The following CIMAP2 variants were observed in gnomAD, a reference collection of about 807,000 sequenced individuals.
CIMAP2 encodes the protein ciliary microtubule associated protein 2, also known as ciliary microtubule-associated protein 2.
chr1:54,814,772 C>G, the CIMAP2 span: 1 of 1,201,914 alleles, frequency 8.3e-7, no homozygotes, highest in Non-Finnish European at 1.2e-6. Context: ...CGGGAGATAG[C>G]TGGGTACCTC....
At chr1:54,828,110 A>G in the CIMAP2 span, among the ~76,000 whole-genome samples, 2 of 152,236 alleles carry the variant, frequency 1.3e-5, no homozygotes, top group Non-Finnish European at 2.9e-5. Flanking sequence ...TAAGACAGGA[A>G]AAATAAATAA....
the CIMAP2 span, among the ~76,000 whole-genome samples, chr1:54,836,995 T>C: frequency 6.6e-6 from 1 of 152,062 alleles, no homozygotes; most frequent in African/African-American, 2.4e-5. Flanking sequence ...AAAATGCCAC[T>C]TGGAAGATGT....
At chr1:54,818,528 A>C in the CIMAP2 span, among the ~76,000 whole-genome samples, 1 of 151,378 alleles carries the variant, frequency 6.6e-6, no homozygotes, top group Non-Finnish European at 1.5e-5. Flanking sequence ...TTTGCTGTGG[A>C]TTGCTCTTTT....
At chr1:54,807,106 A>T in the CIMAP2 span, 2 of 1,593,560 alleles carry the variant, frequency 1.3e-6, no homozygotes, top group Non-Finnish European at 8.6e-7. Context: ...AGCTTCCCTG[A>T]CTCCTCCCAC....
chr1:54,840,529 G>T, the CIMAP2 span, among the ~76,000 whole-genome samples: 1 of 152,210 alleles, frequency 6.6e-6, no homozygotes, highest in South Asian at 2.1e-4. Flanking sequence ...TCATTTGGTG[G>T]GTGTGTGTAT....
At chr1:54,820,725 T>C in the CIMAP2 span, among the ~76,000 whole-genome samples, 1 of 152,224 alleles carries the variant, frequency 6.6e-6, no homozygotes, top group African/African-American at 2.4e-5. Flanking sequence ...TGAGCATCTG[T>C]ATGCTTTCTT....
the CIMAP2 span, among the ~76,000 whole-genome samples, chr1:54,834,922 C>A: frequency 6.6e-6 from 1 of 152,188 alleles, no homozygotes; most frequent in Non-Finnish European, 1.5e-5. Flanking sequence ...ACTCTTCCTG[C>A]TTTATGACCT....
chr1:54,812,197 C>G, the CIMAP2 span: 1 of 1,614,148 alleles, frequency 6.2e-7, no homozygotes, highest in Non-Finnish European at 8.5e-7. Flanking sequence ...CAGGTGTGTA[C>G]CCAGGGGTTG....
the CIMAP2 span, among the ~76,000 whole-genome samples, chr1:54,808,788 G>A: frequency 6.6e-6 from 1 of 151,996 alleles, no homozygotes; most frequent in South Asian, 2.1e-4. Context: ...ACTCAGTAAG[G>A]GCACGAGGGA....
chr1:54,838,630 C>T, the CIMAP2 span, among the ~76,000 whole-genome samples: 1 of 152,120 alleles, frequency 6.6e-6, no homozygotes, highest in Non-Finnish European at 1.5e-5. Flanking sequence ...TGCTACATAA[C>T]AAACCACCCA....
At chr1:54,806,991 C>T in the CIMAP2 span, 2 of 1,612,796 alleles carry the variant, frequency 1.2e-6, no homozygotes, top group East Asian at 4.5e-5. Flanking sequence ...ACCGTCCCTC[C>T]CTAGGTTTGA....
chr1:54,838,475 C>G, the CIMAP2 span, among the ~76,000 whole-genome samples: 2 of 95,502 alleles, frequency 2.1e-5, no homozygotes, highest in Non-Finnish European at 4.9e-5. Context: ...GAATGAGACT[C>G]CATCTCAATT....
the CIMAP2 span, among the ~76,000 whole-genome samples, chr1:54,838,802 G>T: frequency 6.6e-6 from 1 of 152,134 alleles, no homozygotes; most frequent in Non-Finnish European, 1.5e-5. Context: ...CTATGGAGGA[G>T]GCTGGGGTTT....
At chr1:54,815,123 C>A in the CIMAP2 span, 23 of 1,562,712 alleles carry the variant, frequency 1.5e-5, no homozygotes, top group South Asian at 1.2e-4. Flanking sequence ...CCCCAGGTAA[C>A]CGATGCTTTG....
the CIMAP2 span, chr1:54,811,765 G>GCCGGGGGGGGGGGCGGCCCCCCCCC: frequency 7.7e-7 from 1 of 1,301,332 alleles, no homozygotes; most frequent in Non-Finnish European, 1.1e-6. Flanking sequence ...GGTTCTGACA[G>GCCGGGGGGGGGGGCGGCCCCCCCCC]CCTCCATGCC....
chr1:54,836,471 G>T, the CIMAP2 span, among the ~76,000 whole-genome samples: 7 of 151,794 alleles, frequency 4.6e-5, no homozygotes, highest in Admixed American at 3.9e-4. Flanking sequence ...CTCTTTGCTT[G>T]GGCTGGAGGG....
At chr1:54,815,240 T>A in the CIMAP2 span, among the ~76,000 whole-genome samples, 1 of 152,218 alleles carries the variant, frequency 6.6e-6, no homozygotes, top group South Asian at 2.1e-4. Context: ...GGTATTAGCA[T>A]CACCTGTAGG....
the CIMAP2 span, among the ~76,000 whole-genome samples, chr1:54,836,547 AGTT>A: frequency 6.6e-6 from 1 of 151,758 alleles, no homozygotes; most frequent in Admixed American, 6.6e-5. Context: ...GGGAGAAAAA[AGTT>A]GATGATTTAA....
chr1:54,817,403 T>G, the CIMAP2 span, among the ~76,000 whole-genome samples: 92,824 of 152,042 alleles, frequency 0.61, 28,952 homozygotes, highest in South Asian at 0.75. Flanking sequence ...AAATGATCTG[T>G]TGAAAACCCT....
Sources: gnomAD v4.1 joint callset for allele counts (sites outside exome capture counted in the v4.1 genomes callset) on GRCh38, gnomAD v4.1.1 for gene constraint, MANE v1.5 for transcripts, NCBI Gene and HGNC (gene_info 2026-07-23, HGNC 2026-07-21) for gene names.